HOXA3: variants seen among roughly 807,000 people sequenced by gnomAD.
HOXA3 encodes homeobox A3, also known as homeobox protein Hox-A3.
A neutral mutation model predicts 30.3 loss-of-function variants in HOXA3; 8 were observed. The ratio of observed to expected loss-of-function variants is 0.26; its 90% confidence interval spans 0.15 to 0.48. The LOEUF (loss-of-function observed/expected upper bound fraction) is 0.48. Ranked by LOEUF, HOXA3 falls within the 20% of genes least tolerant of loss-of-function variation. The probability of loss-of-function intolerance (pLI) is 0.99; values close to 1 mark genes in which losing one functional copy is unlikely to be tolerated. For missense variants in HOXA3, 653 were observed against 614.4 expected, an observed-to-expected ratio of 1.06 and a Z score of -0.66; for synonymous variants, 323 against 273.1, an observed-to-expected ratio of 1.18 and a Z score of -1.80.
intron 4 of HOXA3, among the ~76,000 whole-genome samples, chr7:27,111,453 G>T (rs559168185): frequency 6.6e-6 from 1 of 150,982 alleles, no homozygotes; most frequent in East Asian, 2.0e-4. Flanking sequence ...CCAAGCCAAG[G>T]GGGGAGGGAA....
chr7:27,127,299 T>C (rs1349785135), intron 2 of HOXA3, among the ~76,000 whole-genome samples: 2 of 152,196 alleles, frequency 1.3e-5, no homozygotes, highest in South Asian at 2.1e-4. Context: ...AAGTGTGTAT[T>C]TGATTGCTCC....
At chr7:27,152,089 T>A (rs1046600736) in intron 1 of HOXA3, among the ~76,000 whole-genome samples, 199 bp downstream of exon 1, 31 of 37,368 alleles carry the variant, frequency 8.3e-4, no homozygotes, top group Non-Finnish European at 5.1e-3. Flanking sequence ...TGTGTGTGTG[T>A]GTGTGCGTGC....
chr7:27,147,155 A>AT (rs1181316740), intron 1 of HOXA3: 20 of 809,684 alleles, frequency 2.5e-5, no homozygotes, highest in Non-Finnish European at 3.2e-5. Flanking sequence ...TTGGGAACTG[A>AT]TTTTTTCTTC....
At chr7:27,152,165 G>T (rs754317124) in intron 1 of HOXA3, 123 bp downstream of exon 1, 20 of 388,036 alleles carry the variant, frequency 5.2e-5, no homozygotes, top group Admixed American at 8.2e-5. Flanking sequence ...AGTGTGAATG[G>T]GTGAGTATGG....
chr7:27,119,158 C>A (rs7801565), intron 4 of HOXA3, among the ~76,000 whole-genome samples: 19,646 of 84,636 alleles, frequency 0.23, 1,979 homozygotes, highest in African/African-American at 0.39. Context: ...CCCCCCCCCC[C>A]AAAAAAAATA....
rs781576714 is a variant in HOXA3 at position 27,143,229 on chromosome 7, CGCTGGAGTT to C, written c.-493-3052_-493-3044del. ...GTGCTGCCGGCGTCGGCCGAGGCGC[CGCTGGAGTT>C]GCTTAGGGAGTTTTTCCCGCCGTGG... On this transcript the variant is annotated intron_variant, in intron 1 of 5. Coordinates refer to ENST00000612286, the MANE Select transcript of HOXA3 (RefSeq NM_153631.3). 60 of 1,609,838 alleles carry C rather than the reference CGCTGGAGTT, an allele frequency of 3.7e-5. No individual in the cohort carries two copies. The South Asian group carries it at 6.4e-4, about 17-fold the overall frequency.
chr7:27,115,028 CT>C (rs1784637939), intron 4 of HOXA3, among the ~76,000 whole-genome samples: 1 of 104,004 alleles, frequency 9.6e-6, no homozygotes, highest in African/African-American at 3.5e-5. Flanking sequence ...CAGAAGCAAA[CT>C]CTGCAAGGGT....
At chr7:27,129,149 G>C (rs562740153) in intron 2 of HOXA3, 1 of 901,168 alleles carries the variant, frequency 1.1e-6, no homozygotes, top group East Asian at 2.4e-5. Flanking sequence ...ATGGGGAGGG[G>C]TGGATGAGGA....
In HOXA3 at chr7:27,152,540, G is replaced by A. The variant is rs1289549527; in HGVS notation, c.-746C>T. The A allele has an allele frequency of 1.4e-5, 16 of 1,181,272 alleles. No individual in the cohort carries two copies. The highest frequency in any genetic ancestry group is 1.6e-5 in the Non-Finnish European group (15 of 938,518). The allele number at this position is 1,181,272 out of a possible 1,614,324, so 73.2% of individuals were successfully genotyped here. ...AAGCACAGCCGAGCCCGGCTGGAAG[G>A]CAGAGCTCCGAAGCAGGCAGGACGG... On this transcript the variant is annotated 5_prime_UTR_variant, in exon 1 of 6. Transcript: ENST00000612286.
chr7:27,143,100 G>A (rs781649860), intron 1 of HOXA3: 2 of 1,566,560 alleles, frequency 1.3e-6, no homozygotes, highest in South Asian at 1.2e-5. Flanking sequence ...TGGGCGGGCG[G>A]CGCCGGGCTC....
intron 2 of HOXA3, among the ~76,000 whole-genome samples, chr7:27,139,401 C>T (rs1186648623): frequency 6.6e-6 from 1 of 152,184 alleles, no homozygotes; most frequent in Non-Finnish European, 1.5e-5. Context: ...CCAGGATCCA[C>T]CTTGCAACCC....
At chr7:27,127,282 G>C (rs1044231063) in intron 2 of HOXA3, among the ~76,000 whole-genome samples, 2 of 152,152 alleles carry the variant, frequency 1.3e-5, no homozygotes, top group African/African-American at 2.4e-5. Context: ...TCCTGATTTG[G>C]GAAGGTAAGT....
At chr7:27,110,785 G>T (rs1233434620) in intron 4 of HOXA3, 25 bp from the exon 5 acceptor site, 16 of 1,250,204 alleles carry the variant, frequency 1.3e-5, no homozygotes, top group Non-Finnish European at 1.1e-6. Context: ...AGCGCAGCGC[G>T]GTGAGGGCTC....
chr7:27,130,210 C>T lies in HOXA3; in HGVS notation c.-389-3140G>A, dbSNP rs200965871. On this transcript the variant is annotated intron_variant, in intron 2 of 5. Transcript: ENST00000612286. ...GCTCTTGTCGGCCAAGAGCAGCGGG[C>T]ACGCGGGGGCGCTGCCCCCTGCCGG... The T allele has an allele frequency of 1.3e-4, 199 of 1,534,726 alleles. No individual in the cohort carries two copies. In the African/African-American group the frequency reaches 2.5e-3, roughly 19 times the overall value.
chr7:27,149,991 C>G (rs1284871696), intron 1 of HOXA3: 2 of 152,144 alleles, frequency 1.3e-5, no homozygotes. Flanking sequence ...CCAGGATTCT[C>G]GATCTAATTA....
chr7:27,110,354 T>TGGGGCGGCGGCGGGTGCA lies in HOXA3; in HGVS notation c.269_286dup (p.Leu90_Pro95dup). On this transcript the variant is annotated inframe_insertion, in exon 5 of 6. Transcript: ENST00000612286. ...CGGCTGTGGGGCAGGGGGCGCGGCC[T>TGGGGCGGCGGCGGGTGCA]GGGGCGGCGGCGGGTGCAGGGGCGG... The TGGGGCGGCGGCGGGTGCA allele has an allele frequency of 2.7e-6, 4 of 1,496,308 alleles. No homozygotes were observed. Among genetic ancestry groups the TGGGGCGGCGGCGGGTGCA allele is most frequent in the Admixed American group, 4.4e-5 (2 of 45,356 alleles). 92.7% of individuals were successfully genotyped at this position (1,496,308 alleles called of 1,614,324 possible). A position where few individuals can be genotyped will look rare whatever the true frequency, so the allele number is the denominator to read the frequency against.
chr7:27,142,146 G>T, intron 1 of HOXA3: 1 of 1,566,918 alleles, frequency 6.4e-7, no homozygotes, highest in Non-Finnish European at 8.6e-7. Flanking sequence ...CCGCCAGGGG[G>T]ACAAGCTTGG....
intron 2 of HOXA3, chr7:27,129,335 T>TG: frequency 6.2e-7 from 1 of 1,614,142 alleles, no homozygotes; most frequent in Non-Finnish European, 8.5e-7. Flanking sequence ...GAGGCCGAAT[T>TG]GGAGGATCGC....
intron 4 of HOXA3, among the ~76,000 whole-genome samples, chr7:27,120,000 AGTAGAAGCTG>A (rs1354944488): frequency 1.3e-5 from 2 of 152,132 alleles, no homozygotes; most frequent in African/African-American, 2.4e-5. Context: ...AGAGGACAGG[AGTAGAAGCTG>A]GTTTCCAAAA....
Sources: gnomAD v4.1 joint callset for allele counts (sites outside exome capture counted in the v4.1 genomes callset) on GRCh38, gnomAD v4.1.1 for gene constraint, MANE v1.5 for transcripts, NCBI Gene and HGNC (gene_info 2026-07-23, HGNC 2026-07-21) for gene names.